NXPH1: variants seen among roughly 807,000 people sequenced by gnomAD.
NXPH1 encodes neurexophilin-1.
A neutral mutation model predicts 23.7 loss-of-function variants in NXPH1; 5 were observed. The observed-to-expected ratio is 0.21, with a 90% confidence interval of 0.11 to 0.44. NXPH1 has a LOEUF of 0.44. NXPH1 is among the 20% of genes least tolerant of loss of function. NXPH1 has a pLI of 0.99. For missense variants in NXPH1, 324 were observed against 321.6 expected (o/e 1.01, Z -0.06); for synonymous variants, 144 against 122.2 (o/e 1.18, Z -1.18).
chr7:8,458,308 G>A (rs917782642), intron 2 of NXPH1, among the ~76,000 whole-genome samples: 1 of 152,174 alleles, frequency 6.6e-6, no homozygotes, highest in African/African-American at 2.4e-5. Context: ...CTTTCTAAGT[G>A]GGGGAAGGAA....
chr7:8,564,467 T>C (rs1258861399), intron 2 of NXPH1, among the ~76,000 whole-genome samples: 2 of 151,598 alleles, frequency 1.3e-5, no homozygotes, highest in African/African-American at 2.4e-5. Flanking sequence ...TGATTGTAGG[T>C]TGTGGGTGCT....
chr7:8,616,612 G>A (rs1562428263), intron 2 of NXPH1, among the ~76,000 whole-genome samples: 1 of 151,982 alleles, frequency 6.6e-6, no homozygotes, highest in Non-Finnish European at 1.5e-5. Context: ...ATTTAGGACA[G>A]AGAGCGAAGC....
intron 2 of NXPH1, among the ~76,000 whole-genome samples, chr7:8,715,524 C>G (rs1316557404): frequency 1.3e-5 from 2 of 152,146 alleles, no homozygotes; most frequent in Non-Finnish European, 2.9e-5. Context: ...TCCCCAGAAT[C>G]TGAACTCTTG....
At chr7:8,501,287 A>G (rs1817427975) in intron 2 of NXPH1, among the ~76,000 whole-genome samples, 2 of 152,008 alleles carry the variant, frequency 1.3e-5, no homozygotes, top group Non-Finnish European at 2.9e-5. Flanking sequence ...GTAGTTTGTT[A>G]CTGAGTAATG....
rs1249974966 is a variant in NXPH1, at chr7:8,751,614, G to T, written c.661G>T (p.Glu221Ter). Residue 221 changes from glutamate to a stop codon, truncating the protein, a stop_gained, in exon 3 of 3, where the codon GAG (glutamate) becomes TAG (stop). Coordinates refer to ENST00000405863, the MANE Select transcript of NXPH1 (RefSeq NM_152745.3). LOFTEE classifies it high-confidence loss of function. This position sits in a 1 kb window ranked among gnomAD's most constrained non-coding sequence, Gnocchi z 4.5. Reference sequence around the variant, plus strand: ...TGACCCTTCAAAAACCTGTTACCAGGAGCAAACCCAAAGTCATGTATCCTG... The same window carrying T: ...TGACCCTTCAAAAACCTGTTACCAGTAGCAAACCCAAAGTCATGTATCCTG... ...NYDPSKTCYQ[E>*]QTQSHVSWLC... The T allele has an allele frequency of 6.2e-7, 1 of 1,613,508 alleles. No individual in the cohort carries two copies. Among genetic ancestry groups the T allele is most frequent in the Non-Finnish European group, 8.5e-7 (1 of 1,179,714 alleles).
chr7:8,585,512 G>T (rs1818961480), intron 2 of NXPH1, among the ~76,000 whole-genome samples: 1 of 152,188 alleles, frequency 6.6e-6, no homozygotes, highest in African/African-American at 2.4e-5. Context: ...GCCAGGGTTG[G>T]TAGAAAGAGT....
chr7:8,505,491 G>A (rs1817507858), intron 2 of NXPH1, among the ~76,000 whole-genome samples: 1 of 151,928 alleles, frequency 6.6e-6, no homozygotes. Flanking sequence ...ATTGCAGACT[G>A]GATTTCTGAG....
rs115336301 is a variant in NXPH1 at position 8,567,492 on chromosome 7, A to G, written c.54+131725A>G. Among the ~76,000 whole-genome samples, 592 of 152,096 alleles carry G rather than the reference A, an allele frequency of 3.9e-3. 2 individuals carry two copies. Among genetic ancestry groups the G allele is most frequent in the African/African-American group, 0.013 (558 of 41,540 alleles). On this transcript the variant is annotated intron_variant, in intron 2 of 2. Coordinates refer to ENST00000405863, the MANE Select transcript of NXPH1 (RefSeq NM_152745.3). ...ATGGGACAATTTCTATAGAATCACA[A>G]TGAGTCAGACATACACCTTGTTTCA... is the stretch of plus-strand genomic sequence containing the variant.
At chr7:8,719,952 T>C (rs1249997712) in intron 2 of NXPH1, among the ~76,000 whole-genome samples, 3 of 152,056 alleles carry the variant, frequency 2.0e-5, no homozygotes, top group Non-Finnish European at 4.4e-5. Context: ...AATAAGAAAA[T>C]TTAGATTCAA....
intron 2 of NXPH1, among the ~76,000 whole-genome samples, chr7:8,576,148 C>T (rs970032): frequency 7.2e-5 from 11 of 151,890 alleles, no homozygotes; most frequent in Non-Finnish European, 1.5e-4. Flanking sequence ...TTTTCTTAAG[C>T]AAGTATATCA....
rs567005105 is a variant in NXPH1, at chr7:8,751,655, C to G, written c.702C>G (p.Pro234=). The change falls in exon 3 of 3, where the codon CCC becomes CCG. Residue 234 remains proline, a synonymous_variant. Transcript: ENST00000405863. The surrounding 1 kb of genome is among the most constrained non-coding windows in gnomAD (Gnocchi z 4.5). ...QSHVSWLCSK[P]FKVICIYISF... is the part of the protein sequence containing the mutation. ...ATGTATCCTGGCTCTGCTCCAAGCCCTTTAAGGTGATCTGTATTTACATTT... is the reference window on the plus strand; with the variant it reads ...ATGTATCCTGGCTCTGCTCCAAGCCGTTTAAGGTGATCTGTATTTACATTT... The G allele has an allele frequency of 6.2e-7, 1 of 1,613,314 alleles. No homozygotes were observed. The highest frequency in any genetic ancestry group is 2.2e-5 in the East Asian group (1 of 44,870).
At chr7:8,455,509 C>G (rs1042565575) in intron 2 of NXPH1, among the ~76,000 whole-genome samples, 2 of 152,174 alleles carry the variant, frequency 1.3e-5, no homozygotes, top group Non-Finnish European at 2.9e-5. Context: ...GCTTTATTTC[C>G]TAGCCAGGAC....
intron 2 of NXPH1, among the ~76,000 whole-genome samples, chr7:8,460,481 C>G (rs767699921): frequency 6.6e-6 from 1 of 152,184 alleles, no homozygotes; most frequent in Non-Finnish European, 1.5e-5. Flanking sequence ...CTTGACTCCT[C>G]TTTGCATGGC....
chr7:8,565,449 G>A (rs1040097878), intron 2 of NXPH1, among the ~76,000 whole-genome samples: 18 of 151,740 alleles, frequency 1.2e-4, no homozygotes, highest in Non-Finnish European at 2.9e-5. Context: ...TGATTCAAGA[G>A]CTTATGCAAT....
intron 2 of NXPH1, among the ~76,000 whole-genome samples, chr7:8,482,745 T>A (rs1188634728): frequency 1.3e-5 from 2 of 152,170 alleles, no homozygotes; most frequent in Non-Finnish European, 2.9e-5. Flanking sequence ...AGCCCACATG[T>A]TGAATCCTGT....
chr7:8,540,350 G>A (rs1043823734), intron 2 of NXPH1, among the ~76,000 whole-genome samples: 30 of 151,808 alleles, frequency 2.0e-4, no homozygotes, highest in Admixed American at 2.0e-3. Context: ...AAACAACCAA[G>A]AATTAATAAA....
At chr7:8,610,050 T>A (rs934259399) in intron 2 of NXPH1, among the ~76,000 whole-genome samples, 45 of 152,160 alleles carry the variant, frequency 3.0e-4, no homozygotes, top group African/African-American at 1.1e-3. Flanking sequence ...GAGTGATAGC[T>A]ATGAAGAATT....
At chr7:8,556,805 AAAG>A (rs77350914) in intron 2 of NXPH1, among the ~76,000 whole-genome samples, 23,352 of 147,220 alleles carry the variant, frequency 0.16, 2,361 homozygotes, top group Non-Finnish European at 0.24. Flanking sequence ...TTTTCAAACC[AAAG>A]ATGATAGTTA....
intron 2 of NXPH1, among the ~76,000 whole-genome samples, chr7:8,686,156 C>T (rs1185674703): frequency 6.6e-6 from 1 of 152,150 alleles, no homozygotes; most frequent in Non-Finnish European, 1.5e-5. Context: ...ATAAAATATT[C>T]TAAAGCTCTT....
Sources: allele counts gnomAD v4.1 joint callset (sites outside exome capture counted in the v4.1 genomes callset), GRCh38; gene constraint gnomAD v4.1.1; non-coding constraint Gnocchi (gnomAD v3.1); transcripts MANE v1.5; gene names NCBI Gene and HGNC (gene_info 2026-07-23, HGNC 2026-07-21).